Variants in PTPRN2 observed in about 807,000 individuals in gnomAD.
PTPRN2 encodes protein tyrosine phosphatase receptor type N2.
In PTPRN2, 74 loss-of-function variants were observed where a neutral mutation model predicts 118.8. The observed-to-expected ratio is 0.62, with a 90% CI of 0.52 to 0.76. PTPRN2 has a LOEUF of 0.76. Among genes scored for constraint, PTPRN2 ranks in the 30% least tolerant of loss-of-function variants. PTPRN2 has a pLI of 0.00. For synonymous variants in PTPRN2, 641 were observed against 608.0 expected, an observed-to-expected ratio of 1.05 and a Z score of -0.80; for missense variants, 1,481 against 1,394.4, an observed-to-expected ratio of 1.06 and a Z score of -0.99.
rs146314042 is a variant in PTPRN2 at position 158,185,964 on chromosome 7, A to G, written c.549+6363T>C. On this transcript the variant is annotated intron_variant, in intron 5 of 22. Transcript: ENST00000389418. ...TTGTCCCCAGTCTTCAGAAGGCCAC[A>G]TGGGGCACTCCATAGAGGCCTGGTG... Among the ~76,000 whole-genome samples, 14 of 152,040 alleles carry G rather than the reference A, an allele frequency of 9.2e-5. No homozygotes were observed. In the East Asian group the frequency reaches 1.8e-3, roughly 19 times the overall value.
chr7:158,132,806 CAG>C (rs1009913096), intron 9 of PTPRN2, among the ~76,000 whole-genome samples: 1 of 151,730 alleles, frequency 6.6e-6, no homozygotes, highest in African/African-American at 2.4e-5. Context: ...CATGCGTATG[CAG>C]ATACACACAC....
intron 13 of PTPRN2, chr7:157,669,533 CAG>C (rs1336942094): frequency 2.0e-6 from 1 of 491,224 alleles, no homozygotes; most frequent in East Asian, 6.0e-5. Flanking sequence ...GACACCCAGT[CAG>C]GGGCTGTAAG....
intron 3 of PTPRN2, among the ~76,000 whole-genome samples, chr7:158,299,214 G>C (rs996281233): frequency 2.6e-5 from 4 of 152,078 alleles, no homozygotes; most frequent in Non-Finnish European, 5.9e-5. Context: ...TGAATAGCTT[G>C]CAGACCTGGG....
chr7:158,544,164 G>C lies in PTPRN2; in HGVS notation c.112+43394C>G, dbSNP rs79721939. Among the ~76,000 whole-genome samples the C allele has an allele frequency of 2.8e-4, 43 of 152,218 alleles. No homozygotes were observed. Among genetic ancestry groups the C allele is most frequent in the African/African-American group, 1.0e-3 (42 of 41,524 alleles). ...CCAGAACCCAGTCCACACTCTGCCC[G>C]CATGATCTGCCTCTCCCCAAAACAG... On this transcript the variant is annotated intron_variant, in intron 1 of 22. Transcript: ENST00000389418. The surrounding 1 kb of genome is among the most constrained non-coding windows in gnomAD (Gnocchi z 4.2).
intron 3 of PTPRN2, among the ~76,000 whole-genome samples, chr7:158,269,403 T>A (rs1269126197): frequency 6.6e-6 from 1 of 152,322 alleles, no homozygotes; most frequent in Middle Eastern, 3.4e-3. Context: ...TTGCTGCCAA[T>A]AAATGTGAGC....
chr7:158,136,104 C>G (rs528830068), intron 8 of PTPRN2, among the ~76,000 whole-genome samples: 1 of 152,250 alleles, frequency 6.6e-6, no homozygotes, highest in African/African-American at 2.4e-5. Flanking sequence ...GGTGGACCGT[C>G]CTCTTCCTGT....
At chr7:157,842,890 C>T (rs570767539) in intron 12 of PTPRN2, among the ~76,000 whole-genome samples, 14 of 152,060 alleles carry the variant, frequency 9.2e-5, no homozygotes, top group Non-Finnish European at 2.1e-4. Flanking sequence ...ATTAACAAGT[C>T]GGAGTAAAGG....
chr7:158,145,119 T>C (rs1471072648), intron 6 of PTPRN2, among the ~76,000 whole-genome samples: 3 of 143,138 alleles, frequency 2.1e-5, no homozygotes, highest in Admixed American at 6.9e-5. Flanking sequence ...CCTCACATCA[T>C]CGCGAGAAGG....
intron 5 of PTPRN2, among the ~76,000 whole-genome samples, chr7:158,188,150 GC>G (rs1248684414): frequency 1.3e-5 from 2 of 149,036 alleles, no homozygotes; most frequent in Non-Finnish European, 3.0e-5. Flanking sequence ...CACCACGCTC[GC>G]CCCCTGTACT....
chr7:157,672,706 T>C lies in PTPRN2; in HGVS notation c.2001+10019A>G, dbSNP rs891748767. On this transcript the variant is annotated intron_variant, in intron 13 of 22. Coordinates refer to ENST00000389418, the MANE Select transcript of PTPRN2 (RefSeq NM_002847.5). Reference sequence around the variant, plus strand: ...GTCCAGTTATACATCAATGTGAGAATAGTCCCAGCACTTATCACTTGTAAA... The same window carrying C: ...GTCCAGTTATACATCAATGTGAGAACAGTCCCAGCACTTATCACTTGTAAA... Among the ~76,000 whole-genome samples the C allele has an allele frequency of 4.9e-4, 74 of 152,260 alleles. 3 individuals are homozygous for C. The highest frequency in any genetic ancestry group is 1.5e-4 in the Non-Finnish European group (10 of 68,054).
intron 2 of PTPRN2, among the ~76,000 whole-genome samples, chr7:158,395,794 T>C (rs147179436): frequency 0.051 from 1,453 of 28,332 alleles, 122 homozygotes; most frequent in African/African-American, 0.15. Flanking sequence ...GGGCGAGGGG[T>C]GAGGCGCGAG....
At chr7:157,643,966 C>G (rs898504084) in intron 14 of PTPRN2, among the ~76,000 whole-genome samples, 3 of 152,180 alleles carry the variant, frequency 2.0e-5, no homozygotes, top group Non-Finnish European at 4.4e-5. Context: ...GAGCTTCCCC[C>G]GTGGGACTGT....
rs540535478 is a variant in PTPRN2 at position 158,131,436 on chromosome 7, CA to C, written c.1556+2240del. Among the ~76,000 whole-genome samples, 172 of 144,328 alleles carry C rather than the reference CA, an allele frequency of 1.2e-3. 3 individuals are homozygous for C. The highest frequency in any genetic ancestry group is 4.3e-3 in the African/African-American group (166 of 38,408). 94.7% of individuals were successfully genotyped at this position (144,328 alleles called of 152,430 possible). ...CACATCTACCCAACACACACACGAA[CA>C]TACAAACTGAAACACATCTACCTGA... is the stretch of plus-strand genomic sequence containing the variant. On this transcript the variant is annotated intron_variant, in intron 9 of 22. Coordinates refer to ENST00000389418, the MANE Select transcript of PTPRN2 (RefSeq NM_002847.5).
chr7:158,180,584 T>C (rs1001217708), intron 5 of PTPRN2, among the ~76,000 whole-genome samples: 1 of 152,224 alleles, frequency 6.6e-6, no homozygotes, highest in African/African-American at 2.4e-5. Flanking sequence ...ATGGGATGTG[T>C]TTCCATTTGT....
Position 158,068,781 on chromosome 7 carries a change from CAT to C in PTPRN2, c.1723+12515_1723+12516del, listed in dbSNP as rs567110135. Among the ~76,000 whole-genome samples, 4 of 152,348 alleles carry C rather than the reference CAT, an allele frequency of 2.6e-5. No individual in the cohort carries two copies. In the South Asian group the frequency reaches 8.3e-4, roughly 32 times the overall value. ...TTTCAATTTGTACCATTTTATACCA[CAT>C]GAGGAAATTGTGTAATTACTTTTGC... On this transcript the variant is annotated intron_variant, in intron 11 of 22. Transcript: ENST00000389418.
At chr7:158,008,141 G>A (rs1300187118) in intron 11 of PTPRN2, among the ~76,000 whole-genome samples, 2 of 46,264 alleles carry the variant, frequency 4.3e-5, no homozygotes, top group Non-Finnish European at 6.0e-5. Flanking sequence ...ATGTACACAT[G>A]TGTGAGTGTG....
At chr7:157,721,198 A>G (rs185732137) in intron 12 of PTPRN2, among the ~76,000 whole-genome samples, 23 of 152,334 alleles carry the variant, frequency 1.5e-4, no homozygotes, top group Admixed American at 1.4e-3. Context: ...AATTCCTGCT[A>G]AGAACACACA....
intron 12 of PTPRN2, among the ~76,000 whole-genome samples, chr7:157,698,360 C>T (rs1196372001): frequency 1.3e-5 from 2 of 152,144 alleles, no homozygotes; most frequent in Admixed American, 1.3e-4. Context: ...GCTCATATGC[C>T]GATGAATCTG....
intron 1 of PTPRN2, among the ~76,000 whole-genome samples, chr7:158,548,708 T>C (rs1237261057): frequency 6.6e-6 from 1 of 152,236 alleles, no homozygotes; most frequent in Non-Finnish European, 1.5e-5. Context: ...CAACACGGGT[T>C]CTCCGTGTGA....
Sources: allele counts gnomAD v4.1 joint callset (sites outside exome capture counted in the v4.1 genomes callset), GRCh38; gene constraint gnomAD v4.1.1; non-coding constraint Gnocchi (gnomAD v3.1); transcripts MANE v1.5; gene names NCBI Gene and HGNC (gene_info 2026-07-23, HGNC 2026-07-21).